The following KCNQ5 variants were observed in gnomAD, a reference collection of about 807,000 sequenced individuals.
KCNQ5 encodes potassium voltage-gated channel subfamily KQT member 5.
In KCNQ5, 30 loss-of-function variants were observed where a neutral mutation model predicts 98.2. That is an observed-to-expected ratio of 0.31 (90% CI 0.23 to 0.41). The LOEUF (loss-of-function observed/expected upper bound fraction) is 0.41. Ranked by LOEUF, KCNQ5 falls within the 10% of genes least tolerant of loss-of-function variation. KCNQ5 has a pLI of 1.00. For missense variants in KCNQ5, 835 were observed against 1,182.5 expected (o/e 0.71, Z 4.31); for synonymous variants, 458 against 449.4 (o/e 1.02, Z -0.24).
At chr6:72,879,881 G>T (rs1364845777) in intron 1 of KCNQ5, among the ~76,000 whole-genome samples, 1 of 152,000 alleles carries the variant, frequency 6.6e-6, no homozygotes, top group Non-Finnish European at 1.5e-5. Context: ...ATCAATATAT[G>T]CTCGAGTAGC....
chr6:73,191,874 C>A (rs1765603285), intron 12 of KCNQ5, among the ~76,000 whole-genome samples: 1 of 152,158 alleles, frequency 6.6e-6, no homozygotes, highest in South Asian at 2.1e-4. Context: ...TAATTCAATT[C>A]TAAACACATA....
intron 6 of KCNQ5, among the ~76,000 whole-genome samples, chr6:73,108,593 G>A (rs1028271866): frequency 2.6e-5 from 4 of 152,172 alleles, no homozygotes; most frequent in Non-Finnish European, 5.9e-5. Context: ...TTGGGAGGCC[G>A]AGGCGGTCGG....
intron 1 of KCNQ5, among the ~76,000 whole-genome samples, chr6:73,001,573 G>A (rs549906958): frequency 8.5e-5 from 13 of 152,244 alleles, no homozygotes; most frequent in African/African-American, 1.7e-4. Flanking sequence ...TCCCCTGCTC[G>A]CTTTTCCAAG....
intron 10 of KCNQ5, among the ~76,000 whole-genome samples, chr6:73,146,304 G>GAAGTACTGT (rs1037952350): frequency 6.6e-6 from 1 of 152,102 alleles, no homozygotes; most frequent in Non-Finnish European, 1.5e-5. Flanking sequence ...TCCCTAAGAT[G>GAAGTACTGT]AAGTACTGTT....
At chr6:72,986,861 C>T in intron 1 of KCNQ5, 1 of 969,976 alleles carries the variant, frequency 1.0e-6, no homozygotes, top group Non-Finnish European at 1.7e-6. Context: ...AGTCCAGAAC[C>T]CTTGGTTCTG....
intron 1 of KCNQ5, among the ~76,000 whole-genome samples, chr6:72,782,760 C>A (rs574392458): frequency 6.6e-6 from 1 of 151,882 alleles, no homozygotes; most frequent in South Asian, 2.1e-4. Flanking sequence ...AACCATAATA[C>A]CTGGTTTTCT....
At chr6:72,988,472 A>C (rs1024232830) in intron 1 of KCNQ5, among the ~76,000 whole-genome samples, 2 of 152,044 alleles carry the variant, frequency 1.3e-5, no homozygotes, top group Admixed American at 6.6e-5. Flanking sequence ...CACGGTCGTA[A>C]ACATGGGAAC....
chr6:72,952,766 A>C (rs1462829282), intron 1 of KCNQ5, among the ~76,000 whole-genome samples: 1 of 152,148 alleles, frequency 6.6e-6, no homozygotes, highest in Non-Finnish European at 1.5e-5. Flanking sequence ...CTAACTAGCA[A>C]AGCTCTTGAA....
At position 72,747,532 on chromosome 6, in the gene KCNQ5, T is replaced by A. The variant is rs140119992; in HGVS notation, c.398+124945T>A. ...GCAAATTAAAAGGCAGGTTCAAATG[T>A]CAGCATTATATACTACAATTTTCTT... On this transcript the variant is annotated intron_variant, in intron 1 of 13. Transcript: ENST00000370398. Among the ~76,000 whole-genome samples, 1,184 of 152,280 alleles carry A rather than the reference T, an allele frequency of 7.8e-3. 19 individuals are homozygous for A. Among genetic ancestry groups the A allele is most frequent in the African/African-American group, 0.026 (1,096 of 41,562 alleles).
At chr6:72,699,133 A>G (rs1266388330) in intron 1 of KCNQ5, among the ~76,000 whole-genome samples, 1 of 152,186 alleles carries the variant, frequency 6.6e-6, no homozygotes, top group Non-Finnish European at 1.5e-5. Flanking sequence ...GGAAAAACTA[A>G]GGGTAAGATG....
At chr6:72,987,740 T>C (rs539833985) in intron 1 of KCNQ5, 3 of 519,632 alleles carry the variant, frequency 5.8e-6, no homozygotes, top group African/African-American at 3.9e-5. Flanking sequence ...TTAGCCAAGC[T>C]GGAAGATTAA....
At chr6:73,092,819 T>G (rs958947615) in intron 5 of KCNQ5, among the ~76,000 whole-genome samples, 1 of 152,202 alleles carries the variant, frequency 6.6e-6, no homozygotes, top group Non-Finnish European at 1.5e-5. Flanking sequence ...TAGCTAGTAT[T>G]TTGTTAACAA....
intron 1 of KCNQ5, among the ~76,000 whole-genome samples, chr6:72,950,027 GA>G (rs890685686): frequency 5.3e-5 from 8 of 151,490 alleles, no homozygotes; most frequent in Non-Finnish European, 8.8e-5. Context: ...CAAAAGAGAT[GA>G]AAAAAAATTG....
At chr6:72,756,256 C>A (rs1233567498) in intron 1 of KCNQ5, among the ~76,000 whole-genome samples, 3 of 152,194 alleles carry the variant, frequency 2.0e-5, no homozygotes, top group Non-Finnish European at 4.4e-5. Context: ...CCTTGAACCT[C>A]AGCTCTCTAA....
At chr6:73,193,154 G>A (rs1158593800) in intron 13 of KCNQ5, among the ~76,000 whole-genome samples, 1 of 151,004 alleles carries the variant, frequency 6.6e-6, no homozygotes, top group Non-Finnish European at 1.5e-5. Flanking sequence ...CCAAGTAGAT[G>A]GGATTACAGG....
chr6:72,646,611 C>A (rs534636117), intron 1 of KCNQ5, among the ~76,000 whole-genome samples: 28 of 152,260 alleles, frequency 1.8e-4, no homozygotes, highest in African/African-American at 6.0e-4. Flanking sequence ...CTTTTCTGAT[C>A]AAACCCTGTG....
At chr6:72,902,940 A>T (rs1173386981) in intron 1 of KCNQ5, among the ~76,000 whole-genome samples, 3 of 152,054 alleles carry the variant, frequency 2.0e-5, no homozygotes, top group African/African-American at 7.2e-5. Flanking sequence ...TCGGGTAGAA[A>T]TCTGCTGTGA....
At position 73,133,503 on chromosome 6, in the gene KCNQ5, G is replaced by A. The variant is rs1233411492; in HGVS notation, c.1330G>A (p.Asp444Asn). The change falls in exon 10 of 14, where the codon GAC becomes AAC. Residue 444 changes from aspartate (D) to asparagine (N), a missense_variant. Physicochemically the swap from Asp to Asn is conservative, Grantham distance 23. Coordinates refer to ENST00000370398, the MANE Select transcript of KCNQ5 (RefSeq NM_019842.4). ...TAAGAGCCGACAAGCCTCAGTAGGT[G>A]ACAGGAGGTCCCCAAGCACCGACAT... ...SIKSRQASVG[D>N]RRSPSTDITA... is the part of the protein sequence containing the mutation. 3 of 1,614,022 alleles carry A rather than the reference G, an allele frequency of 1.9e-6. No individual in the cohort carries two copies. Among genetic ancestry groups the A allele is most frequent in the South Asian group, 1.1e-5 (1 of 91,078 alleles).
At chr6:73,118,674 A>C (rs899824712) in intron 7 of KCNQ5, among the ~76,000 whole-genome samples, 8 of 152,160 alleles carry the variant, frequency 5.3e-5, no homozygotes, top group African/African-American at 1.4e-4. Context: ...TTTCTTCATT[A>C]TGGATTTCAC....
Sources: gnomAD v4.1 joint callset for allele counts (sites outside exome capture counted in the v4.1 genomes callset) on GRCh38, gnomAD v4.1.1 for gene constraint, MANE v1.5 for transcripts, NCBI Gene and HGNC (gene_info 2026-07-23, HGNC 2026-07-21) for gene names.